The following SLC8A3 variants were observed in gnomAD, a reference collection of about 807,000 sequenced individuals.
SLC8A3 encodes solute carrier family 8 member A3, also known as sodium/calcium exchanger 3.
In SLC8A3, 37 loss-of-function variants were observed where a neutral mutation model predicts 65.4. The ratio of observed to expected loss-of-function variants is 0.57; its 90% CI spans 0.44 to 0.74. The LOEUF (loss-of-function observed/expected upper bound fraction) is 0.74. SLC8A3 is among the 30% of genes least tolerant of loss of function. The pLI, the probability that SLC8A3 is intolerant of heterozygous loss-of-function variation, is 0.00. For synonymous variants in SLC8A3, 461 were observed against 444.5 expected, an observed-to-expected ratio of 1.04 and a Z score of -0.47; for missense variants, 1,112 against 1,172.1, an observed-to-expected ratio of 0.95 and a Z score of 0.75.
At chr14:70,059,543 C>T (rs1888535744) in intron 3 of SLC8A3, 2 of 152,118 alleles carry the variant, frequency 1.3e-5, no homozygotes, top group African/African-American at 4.8e-5. Flanking sequence ...AAAGTAGTGG[C>T]TTCCAATCAT....
chr14:70,106,918 A>C (rs1892913624), intron 2 of SLC8A3, among the ~76,000 whole-genome samples: 3 of 152,108 alleles, frequency 2.0e-5, no homozygotes, highest in African/African-American at 7.2e-5. Context: ...AGGAGCAGGA[A>C]AAAATTTCAG....
At chr14:70,131,229 C>A (rs560991045) in intron 2 of SLC8A3, among the ~76,000 whole-genome samples, 1 of 151,994 alleles carries the variant, frequency 6.6e-6, no homozygotes, top group East Asian at 1.9e-4. Flanking sequence ...CTGCAGAAGG[C>A]CAAGGGATGG....
rs74061057 is a variant in SLC8A3 at position 70,117,255 on chromosome 14, A to C, written c.1784+49384T>G. On this transcript the variant is annotated intron_variant, in intron 2 of 6. Transcript: ENST00000356921. The stretch of plus-strand genomic sequence containing the variant: ...TTAAGGTCATGCCCTCATGGGGTGG[A>C]GTGGGAAGCCCACATCCAGTGACTA... Among the ~76,000 whole-genome samples the C allele has an allele frequency of 5.2e-3, 792 of 152,278 alleles. 9 individuals are homozygous for C. The highest frequency in any genetic ancestry group is 0.017 in the African/African-American group (720 of 41,554).
intron 2 of SLC8A3, among the ~76,000 whole-genome samples, chr14:70,152,251 T>G (rs1896316031): frequency 6.6e-6 from 1 of 152,088 alleles, no homozygotes; most frequent in Non-Finnish European, 1.5e-5. Flanking sequence ...TGCAGAGAAT[T>G]AAGGCAACTT....
At chr14:70,148,159 A>T (rs984490235) in intron 2 of SLC8A3, among the ~76,000 whole-genome samples, 3 of 152,218 alleles carry the variant, frequency 2.0e-5, no homozygotes, top group Non-Finnish European at 2.9e-5. Context: ...GCTTTGTTTT[A>T]TATGTTTTTG....
intron 2 of SLC8A3, among the ~76,000 whole-genome samples, chr14:70,153,685 T>C (rs1453763381): frequency 1.3e-5 from 2 of 152,146 alleles, no homozygotes; most frequent in African/African-American, 4.8e-5. Flanking sequence ...GATTATACAT[T>C]GAGCGATAGA....
At chr14:70,131,695 A>G (rs1894837779) in intron 2 of SLC8A3, among the ~76,000 whole-genome samples, 1 of 152,240 alleles carries the variant, frequency 6.6e-6, no homozygotes, top group South Asian at 2.1e-4. Context: ...ATAAAGGGAA[A>G]TGTGTCAGTT....
At position 70,060,847 on chromosome 14, in the gene SLC8A3, C is replaced by T. The variant is rs371458782; in HGVS notation, c.1877G>A (p.Arg626His). 132 of 1,475,706 alleles carry T rather than the reference C, an allele frequency of 8.9e-5. No individual in the cohort carries two copies. The highest frequency in any genetic ancestry group is 1.1e-4 in the Non-Finnish European group (118 of 1,079,444). The allele number at this position is 1,475,706 out of a possible 1,614,324, so 91.4% of individuals were successfully genotyped here. A position where few individuals can be genotyped will look rare whatever the true frequency, so the allele number is the denominator to read the frequency against. The change falls in exon 3 of 7, where the codon CGT becomes CAT. Residue 626 changes from arginine (R) to histidine (H), a missense_variant. Arg to His is a conservative substitution (Grantham distance 29). Coordinates refer to ENST00000356921, the MANE Select transcript of SLC8A3 (RefSeq NM_182932.3). ...IALGEPKWME[R>H]GISDVTDRKL... The stretch of plus-strand genomic sequence containing the variant: ...AAAGAATCTCACACCTGATATTCCA[C>T]GTTCCATCCATTTCGGTTCACCAAG...
chr14:70,084,940 T>C (rs1891320038), intron 2 of SLC8A3, among the ~76,000 whole-genome samples: 1 of 152,164 alleles, frequency 6.6e-6, no homozygotes, highest in African/African-American at 2.4e-5. Flanking sequence ...GAAGACATGG[T>C]TAGACAAACT....
chr14:70,130,405 CGT>C (rs1357076557), intron 2 of SLC8A3, among the ~76,000 whole-genome samples: 1 of 152,150 alleles, frequency 6.6e-6, no homozygotes, highest in African/African-American at 2.4e-5. Context: ...TGTGCATGCA[CGT>C]GTGTGTGCAC....
At chr14:70,140,588 T>A (rs1895500891) in intron 2 of SLC8A3, among the ~76,000 whole-genome samples, 1 of 152,216 alleles carries the variant, frequency 6.6e-6, no homozygotes, top group African/African-American at 2.4e-5. Flanking sequence ...ATTTAATGTG[T>A]CTTTGCCTCA....
At position 70,099,744 on chromosome 14, in the gene SLC8A3, T is replaced by C. The variant is rs1390895069; in HGVS notation, c.1785-38805A>G. 3.3e-5 allele frequency among the ~76,000 whole-genome samples: 5 copies of C among 152,232 alleles called. No individual in the cohort carries two copies. In the East Asian group the frequency reaches 5.8e-4, roughly 18 times the overall value. On this transcript the variant is annotated intron_variant, in intron 2 of 6. Coordinates refer to ENST00000356921, the MANE Select transcript of SLC8A3 (RefSeq NM_182932.3). ...AAGCATCAGATATGCATCCTTACGA[T>C]TGATTCAGGAATTATATTCAGAATT...
chr14:70,184,016 T>G (rs1882974498), intron 1 of SLC8A3, among the ~76,000 whole-genome samples: 1 of 152,228 alleles, frequency 6.6e-6, no homozygotes, highest in African/African-American at 2.4e-5. Context: ...GTTGCTTCAC[T>G]GCAATCTATC....
At chr14:70,138,400 A>C (rs190887738) in intron 2 of SLC8A3, among the ~76,000 whole-genome samples, 1 of 152,298 alleles carries the variant, frequency 6.6e-6, no homozygotes, top group Admixed American at 6.5e-5. Context: ...GAAAGAATAA[A>C]TTATTATGCA....
At chr14:70,187,515 T>A (rs1317651049) in intron 1 of SLC8A3, among the ~76,000 whole-genome samples, 1 of 152,064 alleles carries the variant, frequency 6.6e-6, no homozygotes, top group African/African-American at 2.4e-5. Flanking sequence ...GCTTTCATCA[T>A]CTTTCCCAGT....
In SLC8A3 at chr14:70,097,298, A is replaced by AG. The variant is rs1555374555; in HGVS notation, c.1785-36360_1785-36359insC. On this transcript the variant is annotated intron_variant, in intron 2 of 6. Transcript: ENST00000356921. ...AAGCATTTTCCTTTAAAAAAAAAAAAAAAACACCTCTTTGAAGATGAATGA... is the reference window on the plus strand; with the variant it reads ...AAGCATTTTCCTTTAAAAAAAAAAAAGAAAACACCTCTTTGAAGATGAATGA... 1.0e-3 allele frequency among the ~76,000 whole-genome samples: 152 copies of AG among 152,264 alleles called. No individual in the cohort carries two copies. In the Middle Eastern group the frequency reaches 0.01, roughly 10 times the overall value.
chr14:70,124,318 A>G (rs1401532062), intron 2 of SLC8A3, among the ~76,000 whole-genome samples: 1 of 152,208 alleles, frequency 6.6e-6, no homozygotes, highest in African/African-American at 2.4e-5. Flanking sequence ...CTTCAGTAAT[A>G]TCATCACCAC....
chr14:70,142,276 G>T (rs1895629754), intron 2 of SLC8A3, among the ~76,000 whole-genome samples: 1 of 152,212 alleles, frequency 6.6e-6, no homozygotes, highest in African/African-American at 2.4e-5. Context: ...GCAGAGCTCA[G>T]AAAAGGAATT....
chr14:70,137,728 C>A (rs1229078328), intron 2 of SLC8A3, among the ~76,000 whole-genome samples: 2 of 148,846 alleles, frequency 1.3e-5, no homozygotes, highest in Non-Finnish European at 3.0e-5. Flanking sequence ...ATGCCAAATA[C>A]AATGATCTGC....
Sources: allele counts gnomAD v4.1 joint callset (sites outside exome capture counted in the v4.1 genomes callset), GRCh38; gene constraint gnomAD v4.1.1; transcripts MANE v1.5; gene names NCBI Gene and HGNC (gene_info 2026-07-23, HGNC 2026-07-21).